EIF1AX: variants seen among roughly 807,000 people sequenced by gnomAD.
EIF1AX encodes the protein eukaryotic translation initiation factor 1A, X-chromosomal.
A neutral mutation model predicts 16.1 loss-of-function variants in EIF1AX; 1 was observed. That is an observed-to-expected ratio of 0.06 (90% CI 0.02 to 0.30). The LOEUF (loss-of-function observed/expected upper bound fraction) is 0.30. Among genes scored for constraint, EIF1AX ranks in the 10% least tolerant of loss-of-function variants. The pLI is 1.00. For missense variants in EIF1AX, 11 were observed against 109.1 expected, an observed-to-expected ratio of 0.10 and a Z score of 4.00; for synonymous variants, 32 against 37.3, an observed-to-expected ratio of 0.86 and a Z score of 0.51.
intron 3 of EIF1AX, among the ~76,000 whole-genome samples, chrX:20,135,107 T>A (rs2148608174): frequency 9.2e-6 from 1 of 108,184 alleles, no homozygotes; most frequent in South Asian, 4.0e-4. Flanking sequence ...CAGCTTTTTT[T>A]TTTTTTTTTT....
intron 2 of EIF1AX, 23 bp from the exon 3 acceptor site, chrX:20,135,864 G>A (rs749301134): frequency 1.8e-5 from 20 of 1,093,067 alleles, no homozygotes; most frequent in African/African-American, 3.6e-5. Context: ...AAGGAAAAGG[G>A]TATGGAATAT....
chrX:20,138,257 C>T (rs1332630432), intron 2 of EIF1AX, among the ~76,000 whole-genome samples: 4 of 109,575 alleles, frequency 3.7e-5, no homozygotes, highest in Non-Finnish European at 7.6e-5. Flanking sequence ...CCCGCCTTGG[C>T]CTCCCAAAGT....
intron 5 of EIF1AX, 102 bp from the exon 6 acceptor site, chrX:20,130,709 AT>A: frequency 1.2e-6 from 1 of 804,311 alleles, no homozygotes; most frequent in Non-Finnish European, 1.6e-6. Context: ...TATAAAGAAT[AT>A]TTTATGAAAA....
At chrX:20,132,335 T>C in intron 4 of EIF1AX, 72 bp from the exon 5 acceptor site, 3 of 683,748 alleles carry the variant, frequency 4.4e-6, no homozygotes, top group South Asian at 6.2e-5. Flanking sequence ...TAAATTCTCA[T>C]ATTGAATAAA....
intron 5 of EIF1AX, among the ~76,000 whole-genome samples, chrX:20,131,947 G>T (rs2067002730): frequency 9.2e-6 from 1 of 108,398 alleles, no homozygotes; most frequent in Non-Finnish European, 1.9e-5. Context: ...TATTCCTTTA[G>T]TTAGCATTAT....
chrX:20,138,433 C>T, intron 2 of EIF1AX, 106 bp downstream of exon 2: 2 of 657,432 alleles, frequency 3.0e-6, no homozygotes, highest in Non-Finnish European at 5.0e-6. Context: ...CGTGCCACCA[C>T]ACTTCACCCT....
At chrX:20,128,811 G>A (rs1035001853) in intron 6 of EIF1AX, among the ~76,000 whole-genome samples, 6 of 111,750 alleles carry the variant, frequency 5.4e-5, no homozygotes, top group African/African-American at 1.6e-4. Context: ...CCAGTTCTGA[G>A]GAGGCGTTGG....
intron 5 of EIF1AX, among the ~76,000 whole-genome samples, chrX:20,131,750 TG>T (rs2067002250): frequency 9.8e-6 from 1 of 101,929 alleles, no homozygotes; most frequent in South Asian, 4.9e-4. Context: ...TCGAGTATAG[TG>T]GCATGATCAT....
At chrX:20,130,122 T>C (rs777136280) in intron 6 of EIF1AX, among the ~76,000 whole-genome samples, 3 of 108,932 alleles carry the variant, frequency 2.8e-5, no homozygotes, top group Non-Finnish European at 5.7e-5. Context: ...GCCAACGTGG[T>C]GAAACCTCGT....
intron 1 of EIF1AX, chrX:20,140,159 G>T (rs2067029686): frequency 8.9e-6 from 1 of 112,321 alleles, no homozygotes; most frequent in Non-Finnish European, 1.9e-5. Flanking sequence ...GGAACTAGAT[G>T]TGATTTAGTG....
intron 5 of EIF1AX, among the ~76,000 whole-genome samples, chrX:20,131,426 A>G (rs2067000827): frequency 9.0e-6 from 1 of 110,624 alleles, no homozygotes; most frequent in Non-Finnish European, 1.9e-5. Context: ...TGAGGTCAGG[A>G]GTTTGAGACT....
rs936345537 is a variant in EIF1AX at position 20,131,700 on chromosome X, T to A, written c.337+482A>T. On this transcript the variant is annotated intron_variant, in intron 5 of 6. Transcript: ENST00000379607. The stretch of plus-strand genomic sequence containing the variant: ...CATGGTTTTTTTTTTTTTTTTTTTT[T>A]AATTTTTTTTGAGACAAGGTCTCAC... Among the ~76,000 whole-genome samples, 174 of 90,432 alleles carry A rather than the reference T, an allele frequency of 1.9e-3. 2 individuals carry two copies. Among genetic ancestry groups the A allele is most frequent in the African/African-American group, 3.3e-3 (72 of 21,832 alleles). The allele number at this position is 90,432 out of a possible 115,157, so 78.5% of individuals were successfully genotyped here.
At chrX:20,129,853 A>G (rs926516034) in intron 6 of EIF1AX, among the ~76,000 whole-genome samples, 2 of 112,626 alleles carry the variant, frequency 1.8e-5, no homozygotes, top group Admixed American at 9.4e-5. Flanking sequence ...TGTTCCTTTG[A>G]TAAGATCTAT....
intron 6 of EIF1AX, among the ~76,000 whole-genome samples, chrX:20,129,456 T>C: frequency 8.9e-6 from 1 of 111,829 alleles, no homozygotes; most frequent in Non-Finnish European, 1.9e-5. Flanking sequence ...GTTTCTGAAC[T>C]ACATTTTAGT....
Position 20,132,167 on chromosome X carries a change from T to G in EIF1AX, c.337+15A>C, listed in dbSNP as rs770118748. The G allele has an allele frequency of 3.4e-6, 4 of 1,166,284 alleles. No homozygotes were observed. The South Asian group carries it at 5.5e-5, about 16-fold the overall frequency. The stretch of plus-strand genomic sequence containing the variant: ...AATACCATATGACAAGTTAATACAG[T>G]AACTCAGACATTACCATGCTCTGGA... On this transcript the variant is annotated intron_variant, in intron 5 of 6. Transcript: ENST00000379607.
chrX:20,134,758 GA>G (rs945610925), intron 3 of EIF1AX, among the ~76,000 whole-genome samples: 2 of 110,087 alleles, frequency 1.8e-5, no homozygotes, highest in African/African-American at 3.3e-5. Context: ...GAAAGAAAAA[GA>G]AAAAAAGATT....
intron 3 of EIF1AX, among the ~76,000 whole-genome samples, chrX:20,134,367 AAC>A (rs1275311662): frequency 9.2e-6 from 1 of 108,325 alleles, no homozygotes; most frequent in East Asian, 2.9e-4. Context: ...CAGCCTGGGC[AAC>A]AGAGTGAGAC....
chrX:20,141,745 T>G lies in EIF1AX; in HGVS notation c.-105A>C. 1 of 862,275 alleles carries G rather than the reference T, an allele frequency of 1.2e-6. No homozygotes were observed. The highest frequency in any genetic ancestry group is 1.6e-6 in the Non-Finnish European group (1 of 626,046). The allele number at this position is 862,275 out of a possible 1,213,427, so 71.1% of individuals were successfully genotyped here. On this transcript the variant is annotated 5_prime_UTR_variant, in exon 1 of 7. Transcript: ENST00000379607. ...ACACGAGGGAGCGCGCGGGACCAAGTAGGTGCTGGAGGCCAGGCAACGTGC... is the reference window on the plus strand; with the variant it reads ...ACACGAGGGAGCGCGCGGGACCAAGGAGGTGCTGGAGGCCAGGCAACGTGC...
chrX:20,129,516 C>T (rs1056587458), intron 6 of EIF1AX, among the ~76,000 whole-genome samples: 1 of 112,363 alleles, frequency 8.9e-6, no homozygotes, highest in African/African-American at 3.2e-5. Context: ...GAGTAACACC[C>T]TAATCACTAA....
Sources: allele counts gnomAD v4.1 joint callset (sites outside exome capture counted in the v4.1 genomes callset), GRCh38; gene constraint gnomAD v4.1.1; transcripts MANE v1.5; gene names NCBI Gene and HGNC (gene_info 2026-07-23, HGNC 2026-07-21).